Variants in PTPRD observed in about 807,000 individuals in gnomAD.
The protein encoded by PTPRD is protein tyrosine phosphatase receptor type D.
In PTPRD, 34 loss-of-function variants were observed where a neutral mutation model predicts 214.5. The observed-to-expected ratio is 0.16, with a 90% CI of 0.12 to 0.21. PTPRD has a LOEUF of 0.21. Among genes scored for constraint, PTPRD ranks in the 10% least tolerant of loss-of-function variants. PTPRD has a pLI of 1.00. For synonymous variants in PTPRD, 1,128 were observed against 845.7 expected, an observed-to-expected ratio of 1.33 and a Z score of -5.79; for missense variants, 2,545 against 2,398.7, an observed-to-expected ratio of 1.06 and a Z score of -1.27.
intron 9 of PTPRD, among the ~76,000 whole-genome samples, chr9:9,370,165 G>T (rs1050708417): frequency 9.4e-4 from 143 of 152,204 alleles, no homozygotes; most frequent in African/African-American, 3.4e-3. Context: ...TTGGTAGCTT[G>T]ATGGGGATGG....
At chr9:9,329,131 T>C (rs1238814242) in intron 9 of PTPRD, among the ~76,000 whole-genome samples, 1 of 152,132 alleles carries the variant, frequency 6.6e-6, no homozygotes, top group Non-Finnish European at 1.5e-5. Flanking sequence ...TGTGCAGTAA[T>C]GTATCTCAGC....
At chr9:10,253,327 G>A (rs2092956536) in intron 3 of PTPRD, among the ~76,000 whole-genome samples, 1 of 152,122 alleles carries the variant, frequency 6.6e-6, no homozygotes, top group South Asian at 2.1e-4. Flanking sequence ...ATCAGTAATT[G>A]CCATAGTACC....
At chr9:9,237,721 CT>C (rs2099967775) in intron 9 of PTPRD, among the ~76,000 whole-genome samples, 1 of 152,086 alleles carries the variant, frequency 6.6e-6, no homozygotes, top group African/African-American at 2.4e-5. Context: ...CCTCTCTCTT[CT>C]GTCTATTTGA....
chr9:9,443,439 T>C (rs548288113), intron 8 of PTPRD, among the ~76,000 whole-genome samples: 2 of 152,238 alleles, frequency 1.3e-5, no homozygotes, highest in Non-Finnish European at 2.9e-5. Context: ...AAGTCTGTTT[T>C]TGGTCGCTTT....
chr9:9,384,287 T>C (rs980463986), intron 9 of PTPRD, among the ~76,000 whole-genome samples: 6 of 147,230 alleles, frequency 4.1e-5, no homozygotes, highest in African/African-American at 1.2e-4. Flanking sequence ...TGTGTGCAGT[T>C]TACGTCAGGT....
At chr9:8,792,765 T>C (rs912164000) in intron 11 of PTPRD, among the ~76,000 whole-genome samples, 11 of 152,228 alleles carry the variant, frequency 7.2e-5, no homozygotes, top group African/African-American at 2.4e-4. Flanking sequence ...CCTCTCGTCC[T>C]TGCTCATAAA....
intron 2 of PTPRD, among the ~76,000 whole-genome samples, chr9:10,549,415 TG>T (rs2060834080): frequency 6.6e-6 from 1 of 152,072 alleles, no homozygotes; most frequent in Non-Finnish European, 1.5e-5. Flanking sequence ...GAAAAAAAAT[TG>T]TCTATCATTT....
At chr9:9,298,216 T>C (rs1595389442) in intron 9 of PTPRD, among the ~76,000 whole-genome samples, 1 of 151,638 alleles carries the variant, frequency 6.6e-6, no homozygotes, top group South Asian at 2.1e-4. Context: ...GTTTCAGAAA[T>C]AGAATTGAAA....
chr9:9,324,304 C>T (rs148351320), intron 9 of PTPRD, among the ~76,000 whole-genome samples: 1 of 152,116 alleles, frequency 6.6e-6, no homozygotes, highest in Non-Finnish European at 1.5e-5. Context: ...ACATTCCCAC[C>T]AACAGTGTAA....
At chr9:9,598,867 C>T (rs1240855397) in intron 7 of PTPRD, among the ~76,000 whole-genome samples, 1 of 151,846 alleles carries the variant, frequency 6.6e-6, no homozygotes, top group Non-Finnish European at 1.5e-5. Flanking sequence ...CCATTTTGGC[C>T]AAAGATTTCC....
chr9:9,469,822 A>C (rs2094469580), intron 8 of PTPRD, among the ~76,000 whole-genome samples: 1 of 152,208 alleles, frequency 6.6e-6, no homozygotes, highest in African/African-American at 2.4e-5. Context: ...TATTTTGTAT[A>C]TAATGAAAAA....
intron 14 of PTPRD, among the ~76,000 whole-genome samples, chr9:8,588,481 T>A (rs975747368): frequency 5.9e-5 from 9 of 152,210 alleles, no homozygotes; most frequent in Non-Finnish European, 1.2e-4. Context: ...CTGTTTTTTT[T>A]AAACCACAAT....
intron 14 of PTPRD, among the ~76,000 whole-genome samples, chr9:8,583,789 C>T (rs1463127487): frequency 6.6e-6 from 1 of 152,184 alleles, no homozygotes; most frequent in Non-Finnish European, 1.5e-5. Context: ...GTATGCATGA[C>T]AGAAGAGTAG....
intron 8 of PTPRD, among the ~76,000 whole-genome samples, chr9:9,448,240 C>G (rs996624910): frequency 6.6e-5 from 10 of 152,046 alleles, no homozygotes; most frequent in African/African-American, 2.4e-4. Flanking sequence ...AATGAACACT[C>G]TGATACGGTT....
chr9:8,525,224 T>G (rs778902046), intron 17 of PTPRD, 189 bp from the exon 18 acceptor site: 35 of 719,906 alleles, frequency 4.9e-5, no homozygotes, highest in Admixed American at 3.6e-4. Flanking sequence ...ATTATTTTTT[T>G]TTTTTACATC....
chr9:8,870,687 AACACACACACACACAC>A (rs3046878), intron 11 of PTPRD, among the ~76,000 whole-genome samples: 5 of 131,372 alleles, frequency 3.8e-5, no homozygotes, highest in East Asian at 2.5e-4. Flanking sequence ...ACAGACATGA[AACACACACACACACAC>A]ACACACACAC....
At chr9:9,907,163 A>G (rs370368900) in intron 5 of PTPRD, among the ~76,000 whole-genome samples, 17 of 9,976 alleles carry the variant, frequency 1.7e-3, no homozygotes, top group Non-Finnish European at 1.8e-3. Context: ...CCCAAACTCC[A>G]GGTTTTTGTT....
chr9:8,978,510 T>C (rs1257176886), intron 11 of PTPRD, among the ~76,000 whole-genome samples: 4 of 151,610 alleles, frequency 2.6e-5, no homozygotes, highest in African/African-American at 9.7e-5. Context: ...CTATGCAAAA[T>C]TGAGAAAGGC....
intron 11 of PTPRD, among the ~76,000 whole-genome samples, chr9:8,815,871 T>G (rs1252147362): frequency 6.6e-6 from 1 of 152,194 alleles, no homozygotes; most frequent in East Asian, 1.9e-4. Context: ...CTTACTGCTG[T>G]TATTATTGAA....
Sources: allele counts gnomAD v4.1 joint callset (sites outside exome capture counted in the v4.1 genomes callset), GRCh38; gene constraint gnomAD v4.1.1; transcripts MANE v1.5; gene names NCBI Gene and HGNC (gene_info 2026-07-23, HGNC 2026-07-21).